The following FBXO42 variants were observed in gnomAD, a reference collection of about 807,000 sequenced individuals.
The protein encoded by FBXO42 is F-box protein 42, also known as F-box only protein 42.
In FBXO42, 12 loss-of-function variants were observed where a neutral mutation model predicts 71.7. That is an observed-to-expected ratio of 0.17 (90% CI 0.11 to 0.27). The LOEUF is 0.27. Ranked by LOEUF, FBXO42 falls within the 10% of genes least tolerant of loss-of-function variation. The pLI is 1.00. For missense variants in FBXO42, 707 were observed against 911.9 expected, an observed-to-expected ratio of 0.78 and a Z score of 2.89; for synonymous variants, 325 against 327.5, an observed-to-expected ratio of 0.99 and a Z score of 0.08.
intron 1 of FBXO42, among the ~76,000 whole-genome samples, chr1:16,331,335 C>A (rs866134091): frequency 6.6e-6 from 1 of 151,662 alleles, no homozygotes; most frequent in African/African-American, 2.4e-5. Context: ...ATGGCGTGAA[C>A]CCGGGGGAGG....
chr1:16,337,711 C>T (rs1383098360), intron 1 of FBXO42, among the ~76,000 whole-genome samples: 2 of 150,552 alleles, frequency 1.3e-5, no homozygotes, highest in Non-Finnish European at 3.0e-5. Flanking sequence ...GGTGAAACCC[C>T]CGCCTCTACA....
rs185956913 is a variant in FBXO42 at position 16,248,027 on chromosome 1, G to A, written c.*2643C>T. 6.6e-6 allele frequency: 1 copy of A among 152,142 alleles called. No individual in the cohort carries two copies. Among genetic ancestry groups the A allele is most frequent in the East Asian group, 1.9e-4 (1 of 5,198 alleles). 9.4% of individuals were successfully genotyped at this position (152,142 alleles called of 1,614,324 possible). On this transcript the variant is annotated 3_prime_UTR_variant, in exon 10 of 10. Transcript: ENST00000375592. ...AAATACGGATAAATATTTGCTTCAG[G>A]TGCTCCTGAGGGTTAAAAAAAATTT...
chr1:16,307,811 G>A (rs955678668), intron 2 of FBXO42, among the ~76,000 whole-genome samples: 8 of 152,188 alleles, frequency 5.3e-5, no homozygotes, highest in Non-Finnish European at 5.9e-5. Flanking sequence ...GATAGTCCAT[G>A]TTCATGGATA....
chr1:16,335,771 G>A (rs527334983), intron 1 of FBXO42, among the ~76,000 whole-genome samples: 9 of 150,794 alleles, frequency 6.0e-5, no homozygotes, highest in African/African-American at 1.7e-4. Flanking sequence ...GGAGGCTGAG[G>A]CAGGAGAATC....
intron 7 of FBXO42, chr1:16,253,404 C>A (rs974005778): frequency 1.7e-6 from 1 of 592,520 alleles, no homozygotes; most frequent in Non-Finnish European, 3.0e-6. Context: ...ATGCAGGATT[C>A]TCTTGAGAAA....
rs1193033213 is a variant in FBXO42 at position 16,252,390 on chromosome 1, A to G, written c.936T>C (p.Ala312=). 4 of 1,614,042 alleles carry G rather than the reference A, an allele frequency of 2.5e-6. No individual in the cohort carries two copies. In the Admixed American group the frequency reaches 6.7e-5, roughly 27 times the overall value. Residue 312 remains alanine (A), a synonymous_variant, in exon 9 of 10, where the codon GCT becomes GCC. Coordinates refer to ENST00000375592, the MANE Select transcript of FBXO42 (RefSeq NM_018994.3). This position sits in a 1 kb window ranked among gnomAD's most constrained non-coding sequence, Gnocchi z 4.4. ...CGGPNALFKD[A]WLLHMHSGPW... is the part of the protein sequence containing the mutation. The stretch of plus-strand genomic sequence containing the variant: ...GACCAGAATGCATGTGCAACAACCA[A>G]GCATCCTTGAATAGCTGTAAGAGAA...
At chr1:16,337,883 C>CAAAAAAAAAAAAAAAAAAAAAAAAAAAAA (rs60328879) in intron 1 of FBXO42, among the ~76,000 whole-genome samples, 1 of 38,854 alleles carries the variant, frequency 2.6e-5, no homozygotes, top group Non-Finnish European at 4.4e-5. Flanking sequence ...GACTCCGTCT[C>CAAAAAAAAAAAAAAAAAAAAAAAAAAAAA]AAAAAAAAAA....
chr1:16,301,656 G>A (rs2082195785), intron 3 of FBXO42, among the ~76,000 whole-genome samples: 1 of 142,430 alleles, frequency 7.0e-6, no homozygotes, highest in African/African-American at 2.6e-5. Context: ...GGGTGACAGA[G>A]TGAGACCCCA....
intron 4 of FBXO42, 90 bp downstream of exon 4, chr1:16,294,693 T>C (rs2082111294): frequency 1.4e-6 from 2 of 1,452,992 alleles, no homozygotes; most frequent in Non-Finnish European, 1.9e-6. Context: ...TAACCCATCC[T>C]TGAGACCAAC....
At chr1:16,349,023 T>C (rs1044159776) in intron 1 of FBXO42, among the ~76,000 whole-genome samples, 11 of 152,202 alleles carry the variant, frequency 7.2e-5, no homozygotes, top group African/African-American at 1.2e-4. Flanking sequence ...CCTGTGTATA[T>C]GACTCATATA....
chr1:16,315,547 C>T (rs2082355618), intron 1 of FBXO42, 112 bp from the exon 2 acceptor site: 5 of 1,095,122 alleles, frequency 4.6e-6, no homozygotes, highest in Non-Finnish European at 5.2e-6. Context: ...AGTGTGAAAT[C>T]TGCTCTTCAG....
chr1:16,280,418 A>G (rs1200311739), intron 4 of FBXO42, among the ~76,000 whole-genome samples: 2 of 152,218 alleles, frequency 1.3e-5, no homozygotes, highest in Non-Finnish European at 2.9e-5. Flanking sequence ...AAAGGATGTT[A>G]TGTTAAAGAA....
At position 16,252,378 on chromosome 1, in the gene FBXO42, G is replaced by A. The variant is rs2081602184; in HGVS notation, c.948C>T (p.His316=). 1 of 1,614,126 alleles carries A rather than the reference G, an allele frequency of 6.2e-7. No homozygotes were observed. Among genetic ancestry groups the A allele is most frequent in the African/African-American group, 1.3e-5 (1 of 75,030 alleles). ...NALFKDAWLL[H]MHSGPWAWQP... is the part of the protein sequence containing the mutation. Reference sequence around the variant, plus strand: ...GCCAGGCCCAAGGACCAGAATGCATGTGCAACAACCAAGCATCCTTGAATA... The same window carrying A: ...GCCAGGCCCAAGGACCAGAATGCATATGCAACAACCAAGCATCCTTGAATA... Residue 316 remains histidine, a synonymous_variant, in exon 9 of 10, where the codon CAC becomes CAT. Coordinates refer to ENST00000375592, the MANE Select transcript of FBXO42 (RefSeq NM_018994.3). The surrounding 1 kb of genome is among the most constrained non-coding windows in gnomAD (Gnocchi z 4.4).
chr1:16,329,554 A>T (rs1398366169), intron 1 of FBXO42, among the ~76,000 whole-genome samples: 1 of 151,978 alleles, frequency 6.6e-6, no homozygotes, highest in Non-Finnish European at 1.5e-5. Context: ...ACTGCACTCC[A>T]GCCTGGGAGA....
At chr1:16,272,016 G>A (rs1479935545) in intron 4 of FBXO42, among the ~76,000 whole-genome samples, 6 of 150,330 alleles carry the variant, frequency 4.0e-5, no homozygotes, top group South Asian at 2.1e-4. Flanking sequence ...ATAGCTGGGC[G>A]TGGTGGTGCA....
chr1:16,268,705 T>G (rs1227712169), intron 4 of FBXO42, among the ~76,000 whole-genome samples: 1 of 152,154 alleles, frequency 6.6e-6, no homozygotes, highest in Non-Finnish European at 1.5e-5. Context: ...AGCTCACGCC[T>G]GTAATCCCAG....
intron 1 of FBXO42, among the ~76,000 whole-genome samples, chr1:16,342,579 C>T (rs1399094295): frequency 1.0e-5 from 1 of 96,408 alleles, no homozygotes; most frequent in Non-Finnish European, 2.6e-5. Flanking sequence ...GAGATCCTGT[C>T]TCAAAAAAAA....
intron 1 of FBXO42, among the ~76,000 whole-genome samples, chr1:16,329,775 C>T (rs922230980): frequency 4.6e-5 from 7 of 151,890 alleles, no homozygotes; most frequent in African/African-American, 1.2e-4. Context: ...TAGTGAAACC[C>T]CATCTCTACT....
chr1:16,294,914 G>C lies in FBXO42; in HGVS notation c.371C>G (p.Ala124Gly), dbSNP rs1412761718. The change falls in exon 4 of 10, where the codon GCA becomes GGA. Residue 124 changes from alanine to glycine, a missense_variant. Transcript: ENST00000375592. ...AGACTGATTAGCATCATAATAGCATGCACCTAGAAAGAAAATACACAAATA... is the reference window on the plus strand; with the variant it reads ...AGACTGATTAGCATCATAATAGCATCCACCTAGAAAGAAAATACACAAATA... The part of the protein sequence containing the change: ...TPITQRFSHS[A>G]CYYDANQSMY... 6.3e-7 allele frequency: 1 copy of C among 1,594,036 alleles called. No homozygotes were observed. Among genetic ancestry groups the C allele is most frequent in the Non-Finnish European group, 8.5e-7 (1 of 1,170,604 alleles).
Sources: gnomAD v4.1 joint callset for allele counts (sites outside exome capture counted in the v4.1 genomes callset) on GRCh38, gnomAD v4.1.1 for gene constraint, Gnocchi (gnomAD v3.1) non-coding constraint, MANE v1.5 for transcripts, NCBI Gene and HGNC (gene_info 2026-07-23, HGNC 2026-07-21) for gene names.